The following GPR22 variants were observed in gnomAD, a reference collection of about 807,000 sequenced individuals.
GPR22 encodes G-protein coupled receptor 22.
GPR22 carries 13 observed loss-of-function variants against 31.0 expected under a neutral mutation model. That is an observed-to-expected ratio of 0.42 (90% CI 0.27 to 0.67). GPR22 has a LOEUF of 0.67. GPR22 is among the 30% of genes least tolerant of loss of function. The pLI is 0.25. For synonymous variants in GPR22, 191 were observed against 173.4 expected (o/e 1.10, Z -0.80); for missense variants, 368 against 509.6 (o/e 0.72, Z 2.67).
chr7:107,473,299 T>C (rs987205746), intron 2 of GPR22, among the ~76,000 whole-genome samples: 5 of 151,960 alleles, frequency 3.3e-5, no homozygotes, highest in African/African-American at 9.7e-5. Flanking sequence ...AATCATTTCA[T>C]AGGAGTGATT....
downstream of GPR22, among the ~76,000 whole-genome samples, chr7:107,476,184 TAAAAAAAAAA>T (rs34741713): frequency 1.6e-4 from 7 of 44,070 alleles, no homozygotes; most frequent in Non-Finnish European, 2.6e-4. Context: ...GCAATGATTT[TAAAAAAAAAA>T]AAAAAAAAAA....
chr7:107,471,241 C>T (rs1796615200), intron 1 of GPR22, 131 bp from the exon 2 acceptor site: 1 of 151,954 alleles, frequency 6.6e-6, no homozygotes. Context: ...ATAGCTGTGG[C>T]TCTAATAATA....
chr7:107,474,610 C>T lies in GPR22; in HGVS notation c.550C>T (p.Leu184Phe), dbSNP rs763596341. Residue 184 changes from leucine to phenylalanine, a missense_variant, in exon 3 of 3, where the codon CTT becomes TTT. Leu to Phe is a conservative substitution (Grantham distance 22). Transcript: ENST00000304402. The surrounding 1 kb of genome is among the most constrained non-coding windows in gnomAD (Gnocchi z 5.7). ...IPFIEVNFFS[L>F]QSGNTWENKT... ...TTTTATTGAGGTAAATTTTTTCAGT[C>T]TTCAAAGTGGAAATACCTGGGAAAA... 1.1e-5 allele frequency: 18 copies of T among 1,610,470 alleles called. No individual in the cohort carries two copies. The highest frequency in any genetic ancestry group is 1.5e-5 in the Non-Finnish European group (18 of 1,178,356).
intron 2 of GPR22, among the ~76,000 whole-genome samples, chr7:107,473,387 T>C (rs1796757615): frequency 6.6e-6 from 1 of 151,966 alleles, no homozygotes; most frequent in Admixed American, 6.6e-5. Context: ...GTTTGCCAAC[T>C]GCAAAGTTCA....
chr7:107,474,852 A>C lies in GPR22; in HGVS notation c.792A>C (p.Thr264=). The part of the protein sequence containing the change: ...ARKKKTISLT[T]QHEATDMSQS... Reference sequence around the variant, plus strand: ...AGAAAAAGACAATTTCTCTAACCACACAACATGAGGCTACAGACATGTCAC... The same window carrying C: ...AGAAAAAGACAATTTCTCTAACCACCCAACATGAGGCTACAGACATGTCAC... The change falls in exon 3 of 3, where the codon ACA becomes ACC. Residue 264 remains threonine (T), a synonymous_variant. Transcript: ENST00000304402. This position sits in a 1 kb window ranked among gnomAD's most constrained non-coding sequence, Gnocchi z 5.7. The C allele has an allele frequency of 6.2e-7, 1 of 1,613,234 alleles. No individual in the cohort carries two copies.
Position 107,474,208 on chromosome 7 carries a change from T to G in GPR22, c.148T>G (p.Leu50Val). 6.2e-7 allele frequency: 1 copy of G among 1,613,214 alleles called. No individual in the cohort carries two copies. Among genetic ancestry groups the G allele is most frequent in the Non-Finnish European group, 8.5e-7 (1 of 1,179,342 alleles). The change falls in exon 3 of 3, where the codon TTA becomes GTA. Residue 50 changes from leucine (L) to valine (V), a missense_variant. Physicochemically the swap from Leu to Val is conservative, Grantham distance 32. Coordinates refer to ENST00000304402, the MANE Select transcript of GPR22 (RefSeq NM_005295.3). This position sits in a 1 kb window ranked among gnomAD's most constrained non-coding sequence, Gnocchi z 5.7. The part of the protein sequence containing the change: ...FQVSLTGFLM[L>V]EIVLGLGSNL... ...AGTGTCTCTCACCGGATTTCTTATGTTAGAAATTGTGTTGGGACTTGGCAG... is the reference window on the plus strand; with the variant it reads ...AGTGTCTCTCACCGGATTTCTTATGGTAGAAATTGTGTTGGGACTTGGCAG...
intron 2 of GPR22, among the ~76,000 whole-genome samples, chr7:107,473,782 C>G (rs1796794921): frequency 6.6e-6 from 1 of 151,778 alleles, no homozygotes; most frequent in Non-Finnish European, 1.5e-5. Context: ...TGAGAAAAGC[C>G]CTTTAGCATA....
downstream of GPR22, among the ~76,000 whole-genome samples, chr7:107,475,980 AC>A (rs1796953497): frequency 6.6e-6 from 1 of 151,310 alleles, no homozygotes; most frequent in South Asian, 2.1e-4. Flanking sequence ...CTCTGTATAC[AC>A]ACCAAAATAG....
chr7:107,476,632 T>G (rs796292948), downstream of GPR22, among the ~76,000 whole-genome samples: 15 of 151,824 alleles, frequency 9.9e-5, no homozygotes, highest in African/African-American at 3.6e-4. Flanking sequence ...TTCCAATTGT[T>G]ATAATGTAAT....
Position 107,471,961 on chromosome 7 carries a change from G to A in GPR22, c.-368G>A, listed in dbSNP as rs888096874. On this transcript the variant is annotated 5_prime_UTR_variant, in exon 2 of 3. Coordinates refer to ENST00000304402, the MANE Select transcript of GPR22 (RefSeq NM_005295.3). ...GATCAAGAAATCATTTCAAAATAGTGAGCACTGCTATTAAAAACAGATTTA... is the reference window on the plus strand; with the variant it reads ...GATCAAGAAATCATTTCAAAATAGTAAGCACTGCTATTAAAAACAGATTTA... 1 of 151,916 alleles carries A rather than the reference G, an allele frequency of 6.6e-6. No homozygotes were observed. Among genetic ancestry groups the A allele is most frequent in the African/African-American group, 2.4e-5 (1 of 41,408 alleles). 9.4% of individuals were successfully genotyped at this position (151,916 alleles called of 1,614,324 possible).
At position 107,471,701 on chromosome 7, in the gene GPR22, G is replaced by C. The variant is rs1796642996; in HGVS notation, c.-628G>C. ...GATTCTGGAAGACATAATGAAACAT[G>C]AATTTCCAAAAAGAAAAGAAAATAC... On this transcript the variant is annotated 5_prime_UTR_variant, in exon 2 of 3. An upstream start codon of the reference 5' UTR is lost. Coordinates refer to ENST00000304402, the MANE Select transcript of GPR22 (RefSeq NM_005295.3). The C allele has an allele frequency of 6.6e-6, 1 of 151,944 alleles. No individual in the cohort carries two copies. The highest frequency in any genetic ancestry group is 2.4e-5 in the African/African-American group (1 of 41,404). The allele number at this position is 151,944 out of a possible 1,614,324, so 9.4% of individuals were successfully genotyped here. A position where few individuals can be genotyped will look rare whatever the true frequency, so the allele number is the denominator to read the frequency against.
intron 2 of GPR22, 37 bp from the exon 3 acceptor site, chr7:107,473,998 C>A: frequency 3.7e-6 from 3 of 818,846 alleles, no homozygotes; most frequent in South Asian, 1.8e-5. Flanking sequence ...ATTTAAATTG[C>A]CAAATATCAA....
rs770725568 is a variant in GPR22 at position 107,474,545 on chromosome 7, T to C, written c.485T>C (p.Ile162Thr). Reference sequence around the variant, plus strand: ...ATGGGCAGAGCTGTAATGTTAATGATATCCATTTGGATTTTTTCTTTTTTC... The same window carrying C: ...ATGGGCAGAGCTGTAATGTTAATGACATCCATTTGGATTTTTTCTTTTTTC... ...LTMGRAVMLM[I>T]SIWIFSFFSF... Residue 162 changes from isoleucine to threonine, a missense_variant, in exon 3 of 3, where the codon ATA becomes ACA. Physicochemically the swap from Ile to Thr is moderately conservative, Grantham distance 89 (BLOSUM62 -1). Transcript: ENST00000304402. This position sits in a 1 kb window ranked among gnomAD's most constrained non-coding sequence, Gnocchi z 5.7. 2.5e-6 allele frequency: 4 copies of C among 1,611,204 alleles called. No homozygotes were observed. The South Asian group carries it at 4.4e-5, about 18-fold the overall frequency.
In GPR22 at chr7:107,474,547, T is replaced by C; in HGVS notation, c.487T>C (p.Ser163Pro). ...TMGRAVMLMI[S>P]IWIFSFFSFL... ...GGGCAGAGCTGTAATGTTAATGATA[T>C]CCATTTGGATTTTTTCTTTTTTCTC... The change falls in exon 3 of 3, where the codon TCC becomes CCC. Residue 163 changes from serine (S) to proline (P), a missense_variant. Coordinates refer to ENST00000304402, the MANE Select transcript of GPR22 (RefSeq NM_005295.3). The surrounding 1 kb of genome is among the most constrained non-coding windows in gnomAD (Gnocchi z 5.7). The C allele has an allele frequency of 6.2e-7, 1 of 1,610,800 alleles. No homozygotes were observed. Among genetic ancestry groups the C allele is most frequent in the Non-Finnish European group, 8.5e-7 (1 of 1,178,030 alleles).
Position 107,474,891 on chromosome 7 carries a change from G to A in GPR22, c.831G>A (p.Gly277=). 1 of 1,613,192 alleles carries A rather than the reference G, an allele frequency of 6.2e-7. No homozygotes were observed. Residue 277 remains glycine, a synonymous_variant, in exon 3 of 3, where the codon GGG becomes GGA. Transcript: ENST00000304402. The surrounding 1 kb of genome is among the most constrained non-coding windows in gnomAD (Gnocchi z 5.7). ...CAGACATGTCACAAAGCAGTGGTGG[G>A]AGAAATGTAGTCTTTGGTGTAAGAA... is the stretch of plus-strand genomic sequence containing the variant. The part of the protein sequence containing the change: ...EATDMSQSSG[G]RNVVFGVRTS...
In GPR22 at chr7:107,474,859, G is replaced by C; in HGVS notation, c.799G>C (p.Glu267Gln). The change falls in exon 3 of 3, where the codon GAG becomes CAG. Residue 267 changes from glutamate (E) to glutamine (Q), a missense_variant. Transcript: ENST00000304402. This position sits in a 1 kb window ranked among gnomAD's most constrained non-coding sequence, Gnocchi z 5.7. ...KKTISLTTQH[E>Q]ATDMSQSSGG... ...GACAATTTCTCTAACCACACAACAT[G>C]AGGCTACAGACATGTCACAAAGCAG... 6.2e-7 allele frequency: 1 copy of C among 1,613,146 alleles called. No individual in the cohort carries two copies. Among genetic ancestry groups the C allele is most frequent in the East Asian group, 2.2e-5 (1 of 44,780 alleles).
At chr7:107,476,374 T>C (rs1796997885), downstream of GPR22, among the ~76,000 whole-genome samples, 1 of 151,368 alleles carries the variant, frequency 6.6e-6, no homozygotes, top group Non-Finnish European at 1.5e-5. Context: ...CATACAACTT[T>C]AGGGTAATAC....
chr7:107,471,406 C>T lies in GPR22; in HGVS notation c.-923C>T, dbSNP rs73187379. The stretch of plus-strand genomic sequence containing the variant: ...CAGCTAATTCAGTATTTACAACTGA[C>T]AATATGAAGAATGCAATTGACTGAG... On this transcript the variant is annotated 5_prime_UTR_variant, in exon 2 of 3. Coordinates refer to ENST00000304402, the MANE Select transcript of GPR22 (RefSeq NM_005295.3). The T allele has an allele frequency of 1.3e-5, 2 of 151,932 alleles. No individual in the cohort carries two copies. The highest frequency in any genetic ancestry group is 2.9e-5 in the Non-Finnish European group (2 of 67,906). 9.4% of individuals were successfully genotyped at this position (151,932 alleles called of 1,614,324 possible).
In GPR22 at chr7:107,475,081, C is replaced by T; in HGVS notation, c.1021C>T (p.Pro341Ser). The T allele has an allele frequency of 6.2e-7, 1 of 1,612,782 alleles. No individual in the cohort carries two copies. Among genetic ancestry groups the T allele is most frequent in the South Asian group, 1.1e-5 (1 of 91,014 alleles). The change falls in exon 3 of 3, where the codon CCA (proline) becomes TCA (serine). Residue 341 changes from proline to serine, a missense_variant. By Grantham distance (74) the Pro-to-Ser change is moderately conservative (BLOSUM62 -1). Transcript: ENST00000304402. ...AAATACCACCATTTTATGTTTAGGCCCAAGTGACCTTTTAGTAAAATTAAG... is the reference window on the plus strand; with the variant it reads ...AAATACCACCATTTTATGTTTAGGCTCAAGTGACCTTTTAGTAAAATTAAG... ...VLNTTILCLG[P>S]SDLLVKLRLC...
Sources: gnomAD v4.1 joint callset for allele counts (sites outside exome capture counted in the v4.1 genomes callset) on GRCh38, gnomAD v4.1.1 for gene constraint, Gnocchi (gnomAD v3.1) non-coding constraint, MANE v1.5 for transcripts, NCBI Gene and HGNC (gene_info 2026-07-23, HGNC 2026-07-21) for gene names.